Variants in BRAF observed in about 807,000 individuals in gnomAD.
BRAF encodes serine/threonine-protein kinase B-raf.
BRAF carries 16 observed loss-of-function variants against 104.6 expected under a neutral mutation model. The ratio of observed to expected loss-of-function variants is 0.15; its 90% CI spans 0.10 to 0.23. The LOEUF (loss-of-function observed/expected upper bound fraction) is 0.23. Ranked by LOEUF, BRAF falls within the 10% of genes least tolerant of loss-of-function variation. The pLI is 1.00. For synonymous variants in BRAF, 310 were observed against 341.6 expected, an observed-to-expected ratio of 0.91 and a Z score of 1.02; for missense variants, 541 against 937.3, an observed-to-expected ratio of 0.58 and a Z score of 5.52.
At chr7:140,753,130 T>G in intron 16 of BRAF, 145 bp downstream of exon 15, 1 of 655,362 alleles carries the variant, frequency 1.5e-6, no homozygotes, top group South Asian at 1.8e-5. Flanking sequence ...AAAAATCTAT[T>G]TACATAAAAA....
In BRAF at chr7:140,734,774, C is replaced by CAAAAAAAAAAA. The variant is rs373442098; in HGVS notation, c.2248-15_2248-5dup. The CAAAAAAAAAAA allele has an allele frequency of 2.8e-5, 22 of 773,528 alleles. No individual in the cohort carries two copies. Among genetic ancestry groups the CAAAAAAAAAAA allele is most frequent in the South Asian group, 1.4e-4 (5 of 37,016 alleles). The allele number at this position is 773,528 out of a possible 1,614,324, so 47.9% of individuals were successfully genotyped here. A position where few individuals can be genotyped will look rare whatever the true frequency, so the allele number is the denominator to read the frequency against. On this transcript the variant is annotated splice_region_variant and splice_polypyrimidine_tract_variant and intron_variant, in intron 18 of 19. Transcript: ENST00000644969. ...GCAGCTCAATAGAGGCGAGAATCTA[C>CAAAAAAAAAAA]AAAAAAAAAAAGAAAAAAAAAAGAA...
At chr7:140,855,581 C>T (rs962816831) in intron 1 of BRAF, among the ~76,000 whole-genome samples, 2 of 151,610 alleles carry the variant, frequency 1.3e-5, no homozygotes, top group Non-Finnish European at 2.9e-5. Flanking sequence ...CCATTGGCTC[C>T]CCTCATCCCT....
intron 14 of BRAF, among the ~76,000 whole-genome samples, chr7:140,763,594 T>A (rs1277321041): frequency 1.3e-5 from 2 of 151,880 alleles, no homozygotes; most frequent in Non-Finnish European, 2.9e-5. Context: ...ATAGATGCAA[T>A]AAAAAAATGA....
chr7:140,754,124 C>G (rs2128999375), intron 15 of BRAF, 63 bp downstream of exon 14: 1 of 1,509,356 alleles, frequency 6.6e-7, no homozygotes. Flanking sequence ...AATGTGAAGA[C>G]AAAATGCAGA....
At chr7:140,915,911 C>A (rs1817577123) in intron 1 of BRAF, among the ~76,000 whole-genome samples, 1 of 152,010 alleles carries the variant, frequency 6.6e-6, no homozygotes, top group South Asian at 2.1e-4. Flanking sequence ...GTAATCCCAG[C>A]ACTCTGGGAA....
At position 140,834,647 on chromosome 7, in the gene BRAF, T is replaced by A; in HGVS notation, c.466A>T (p.Ile156Phe). Reference protein sequence around the residue: ...RSNPKSPQKPIVRVFLPNKQR... With the variant: ...RSNPKSPQKPFVRVFLPNKQR... ...TTGTTGGGCAGGAAGACTCTAACGA[T>A]AGGTTTTTGTGGTGACTTGGGGTTG... is the stretch of plus-strand genomic sequence containing the variant. Residue 156 changes from isoleucine (I) to phenylalanine (F), a missense_variant, in exon 3 of 20, where the codon ATC becomes TTC. Ile to Phe is a conservative substitution (Grantham distance 21, BLOSUM62 0). Transcript: ENST00000644969. The A allele has an allele frequency of 6.2e-7, 1 of 1,614,144 alleles. No individual in the cohort carries two copies. Among genetic ancestry groups the A allele is most frequent in the Non-Finnish European group, 8.5e-7 (1 of 1,180,000 alleles).
chr7:140,821,294 ATTTTT>A (rs58690200), intron 3 of BRAF, among the ~76,000 whole-genome samples: 2 of 73,928 alleles, frequency 2.7e-5, no homozygotes, highest in South Asian at 5.1e-4. Context: ...TCTGAATTAC[ATTTTT>A]TTTTTTTTTT....
At chr7:140,789,405 T>C (rs1801721754) in intron 8 of BRAF, among the ~76,000 whole-genome samples, 2 of 152,142 alleles carry the variant, frequency 1.3e-5, no homozygotes, top group Admixed American at 1.3e-4. Flanking sequence ...AATAGACAAC[T>C]TTTTGTTTAC....
chr7:140,845,952 T>C (rs1808498461), intron 2 of BRAF, among the ~76,000 whole-genome samples: 1 of 152,182 alleles, frequency 6.6e-6, no homozygotes, highest in Non-Finnish European at 1.5e-5. Flanking sequence ...GTGCTGGCAT[T>C]ACAGGTGTGA....
At chr7:140,906,082 C>T (rs1300805667) in intron 1 of BRAF, among the ~76,000 whole-genome samples, 6 of 76,556 alleles carry the variant, frequency 7.8e-5, no homozygotes, top group South Asian at 6.2e-4. Flanking sequence ...AGCGAGACTC[C>T]GTCTCAAAAA....
rs1056066463 is a variant in BRAF at position 140,824,844 on chromosome 7, C to T, written c.504+9765G>A. 2.0e-4 allele frequency among the ~76,000 whole-genome samples: 30 copies of T among 152,118 alleles called. 1 individual carries two copies. The highest frequency in any genetic ancestry group is 6.8e-4 in the African/African-American group (28 of 41,424). On this transcript the variant is annotated intron_variant, in intron 3 of 19. Transcript: ENST00000644969. The stretch of plus-strand genomic sequence containing the variant: ...CATTCTAGGAGGCATGTAAGGGTAT[C>T]GCGTGCCTATTTAATTTGCATTTTC...
intron 1 of BRAF, among the ~76,000 whole-genome samples, chr7:140,897,178 G>A (rs1044714276): frequency 6.6e-6 from 1 of 151,482 alleles, no homozygotes; most frequent in African/African-American, 2.4e-5. Context: ...AAAGAGAAGA[G>A]ACTGGCATTA....
In BRAF at chr7:140,720,008, G is replaced by T; in HGVS notation, c.*6486C>A. On this transcript the variant is annotated 3_prime_UTR_variant, in exon 20 of 20. Transcript: ENST00000644969. Reference sequence around the variant, plus strand: ...TCTCCCTTTCCTCTCCCTTACAGGAGTCATGTCCTCAAACCAAGGAATACA... The same window carrying T: ...TCTCCCTTTCCTCTCCCTTACAGGATTCATGTCCTCAAACCAAGGAATACA... 1 of 1,062,278 alleles carries T rather than the reference G, an allele frequency of 9.4e-7. No individual in the cohort carries two copies. Among genetic ancestry groups the T allele is most frequent in the South Asian group, 4.6e-5 (1 of 21,958 alleles). The allele number at this position is 1,062,278 out of a possible 1,614,324, so 65.8% of individuals were successfully genotyped here.
At chr7:140,911,366 G>A (rs919774206) in intron 1 of BRAF, among the ~76,000 whole-genome samples, 12 of 152,164 alleles carry the variant, frequency 7.9e-5, no homozygotes, top group East Asian at 1.9e-4. Context: ...ATATTAAGAC[G>A]ACACTGAACA....
Position 140,725,216 on chromosome 7 carries a change from GT to G in BRAF, c.*1277del. ...CTAGAAAGAAGATGTGGGATATAGT[GT>G]TAGGAATCAGTTGGAAGAAACAATG... is the stretch of plus-strand genomic sequence containing the variant. On this transcript the variant is annotated 3_prime_UTR_variant, in exon 20 of 20. Transcript: ENST00000644969. 9.6e-7 allele frequency: 1 copy of G among 1,043,812 alleles called. No individual in the cohort carries two copies. Among genetic ancestry groups the G allele is most frequent in the East Asian group, 5.7e-5 (1 of 17,590 alleles). 64.7% of individuals were successfully genotyped at this position (1,043,812 alleles called of 1,614,324 possible).
chr7:140,815,432 A>ATTTT (rs11445161), intron 3 of BRAF, among the ~76,000 whole-genome samples: 14 of 111,860 alleles, frequency 1.3e-4, no homozygotes, highest in African/African-American at 3.9e-4. Context: ...GGTGTGAGCC[A>ATTTT]TTTTTTTTTT....
chr7:140,815,619 A>G (rs1219512976), intron 3 of BRAF, among the ~76,000 whole-genome samples: 2 of 149,586 alleles, frequency 1.3e-5, no homozygotes, highest in Non-Finnish European at 3.0e-5. Context: ...TATTGTTAGT[A>G]AAGACGGGGT....
At chr7:140,824,973 CTTTTTTT>C (rs201596326) in intron 3 of BRAF, among the ~76,000 whole-genome samples, 5 of 139,914 alleles carry the variant, frequency 3.6e-5, no homozygotes, top group Non-Finnish European at 7.8e-5. Context: ...GTTGTTTTTT[CTTTTTTT>C]TTTTTTTTGA....
intron 17 of BRAF, chr7:140,740,273 TAAA>T: frequency 1.1e-5 from 2 of 186,666 alleles, no homozygotes; most frequent in Admixed American, 5.7e-5. Flanking sequence ...TTCTTTACTT[TAAA>T]AAAAAAAAAA....
Sources: gnomAD v4.1 joint callset for allele counts (sites outside exome capture counted in the v4.1 genomes callset) on GRCh38, gnomAD v4.1.1 for gene constraint, MANE v1.5 for transcripts, NCBI Gene and HGNC (gene_info 2026-07-23, HGNC 2026-07-21) for gene names.